DAB1: variants seen among roughly 807,000 people sequenced by gnomAD.
DAB1 encodes DAB adaptor protein 1, also known as disabled homolog 1.
In DAB1, 15 loss-of-function variants were observed where a neutral mutation model predicts 64.6. That is an observed-to-expected ratio of 0.23 (90% CI 0.16 to 0.36). DAB1 has a LOEUF of 0.36. Ranked by LOEUF, DAB1 falls within the 10% of genes least tolerant of loss-of-function variation. The probability of loss-of-function intolerance (pLI) is 1.00; values close to 1 mark genes in which losing one functional copy is unlikely to be tolerated. For missense variants in DAB1, 596 were observed against 706.7 expected (o/e 0.84, Z 1.78); for synonymous variants, 235 against 251.9 (o/e 0.93, Z 0.64).
intron 5 of DAB1, among the ~76,000 whole-genome samples, chr1:57,988,632 G>T (rs1646279042): frequency 6.6e-6 from 1 of 152,034 alleles, no homozygotes; most frequent in Non-Finnish European, 1.5e-5. Flanking sequence ...TCCTGTTATT[G>T]CAATTTAAGC....
intron 5 of DAB1, among the ~76,000 whole-genome samples, chr1:58,080,684 T>C (rs940615262): frequency 6.6e-6 from 1 of 152,216 alleles, no homozygotes; most frequent in Non-Finnish European, 1.5e-5. Flanking sequence ...TAGTTTTGTC[T>C]TGAAGGCTGA....
chr1:58,295,829 G>A lies in DAB1; in HGVS notation n.309+47523C>T, dbSNP rs1661959189. On this transcript the variant is annotated intron_variant and non_coding_transcript_variant, in intron 4 of 20. Coordinates refer to the DAB1 transcript ENST00000485760. ...CAGTTGGCTGGGCGCAGTGGCTCAT[G>A]CCTGTAATTCCAGCACTTTGGGAGG... is the stretch of plus-strand genomic sequence containing the variant. 7.2e-5 allele frequency among the ~76,000 whole-genome samples: 11 copies of A among 152,194 alleles called. No homozygotes were observed. In the South Asian group the frequency reaches 2.3e-3, roughly 32 times the overall value.
intron 6 of DAB1, among the ~76,000 whole-genome samples, chr1:57,751,902 A>G (rs1253985497): frequency 1.3e-5 from 2 of 152,248 alleles, no homozygotes; most frequent in Non-Finnish European, 2.9e-5. Context: ...GAATGCGATC[A>G]GTTCTGGCTG....
intron 2 of DAB1, among the ~76,000 whole-genome samples, chr1:57,186,156 T>C (rs1199724781): frequency 2.0e-5 from 3 of 152,216 alleles, no homozygotes; most frequent in African/African-American, 7.2e-5. Flanking sequence ...TATAACCAAG[T>C]GGTTAGAATT....
intron 6 of DAB1, among the ~76,000 whole-genome samples, chr1:57,748,021 C>T (rs1648369449): frequency 1.3e-5 from 2 of 152,000 alleles, no homozygotes; most frequent in Admixed American, 1.3e-4. Context: ...GTTGACTCAA[C>T]AAAAATCTAT....
chr1:57,185,703 G>A (rs1663478782), intron 2 of DAB1, among the ~76,000 whole-genome samples: 3 of 152,162 alleles, frequency 2.0e-5, no homozygotes, highest in Admixed American at 2.0e-4. Flanking sequence ...AACTAACAAT[G>A]CTGTCTCCGA....
intron 6 of DAB1, among the ~76,000 whole-genome samples, chr1:57,669,973 C>G (rs1331192642): frequency 1.3e-5 from 2 of 152,040 alleles, no homozygotes; most frequent in Non-Finnish European, 2.9e-5. Context: ...AATTTCTTCT[C>G]AAATATAACG....
intron 7 of DAB1, among the ~76,000 whole-genome samples, chr1:57,446,039 A>C (rs930421901): frequency 7.2e-5 from 11 of 152,310 alleles, no homozygotes; most frequent in African/African-American, 2.6e-4. Context: ...TATTTCACCC[A>C]TCCAATTTTA....
Position 58,095,208 on chromosome 1 carries a change from T to C in DAB1, n.387+55303A>G, listed in dbSNP as rs539108085. Among the ~76,000 whole-genome samples, 25 of 152,356 alleles carry C rather than the reference T, an allele frequency of 1.6e-4. No homozygotes were observed. In the East Asian group the frequency reaches 4.4e-3, roughly 27 times the overall value. On this transcript the variant is annotated intron_variant and non_coding_transcript_variant, in intron 5 of 20. Coordinates refer to the DAB1 transcript ENST00000485760. Reference sequence around the variant, plus strand: ...CTCACAGAAGATGCTCAATAAATGTTTGATATATGACTAAACAAACTCTTC... The same window carrying C: ...CTCACAGAAGATGCTCAATAAATGTCTGATATATGACTAAACAAACTCTTC...
chr1:58,062,411 C>T (rs1648560274), intron 5 of DAB1, among the ~76,000 whole-genome samples: 1 of 152,204 alleles, frequency 6.6e-6, no homozygotes. Context: ...TCTTGGTTAC[C>T]TTCAAATGGT....
chr1:57,150,548 G>T (rs188787874), intron 2 of DAB1, among the ~76,000 whole-genome samples: 29 of 152,080 alleles, frequency 1.9e-4, no homozygotes, highest in Non-Finnish European at 7.4e-5. Flanking sequence ...TTCAAAAGGC[G>T]TCATATACAA....
upstream of DAB1, among the ~76,000 whole-genome samples, chr1:57,884,774 G>A (rs1278056820): frequency 2.0e-5 from 3 of 152,178 alleles, no homozygotes; most frequent in East Asian, 1.9e-4. Flanking sequence ...TTTGGGTCAC[G>A]TGGGTGGATC....
intron 6 of DAB1, among the ~76,000 whole-genome samples, chr1:57,656,143 C>T (rs1009915008): frequency 3.9e-5 from 6 of 152,146 alleles, no homozygotes; most frequent in African/African-American, 9.7e-5. Context: ...AGTTGGCTGT[C>T]GGAAACCCAG....
At chr1:57,359,828 C>A (rs1679405567) in intron 1 of DAB1, among the ~76,000 whole-genome samples, 1 of 151,814 alleles carries the variant, frequency 6.6e-6, no homozygotes, top group Non-Finnish European at 1.5e-5. Flanking sequence ...GTGAAATAAG[C>A]CAGGCACAGA....
intron 2 of DAB1, among the ~76,000 whole-genome samples, chr1:57,217,738 C>G (rs956677349): frequency 2.0e-5 from 3 of 152,086 alleles, no homozygotes; most frequent in African/African-American, 7.2e-5. Flanking sequence ...GATGGTGACA[C>G]TGTCTCATTC....
intron 1 of DAB1, among the ~76,000 whole-genome samples, chr1:57,401,948 A>AAAAC (rs1469748650): frequency 6.6e-6 from 1 of 152,230 alleles, no homozygotes; most frequent in African/African-American, 2.4e-5. Flanking sequence ...CAGCTGTAAT[A>AAAAC]AAACAACACT....
intron 6 of DAB1, among the ~76,000 whole-genome samples, chr1:57,679,535 G>T (rs1646612181): frequency 6.6e-6 from 1 of 152,194 alleles, no homozygotes; most frequent in African/African-American, 2.4e-5. Flanking sequence ...GAAAAGTGTT[G>T]TTACCAAATA....
intron 2 of DAB1, among the ~76,000 whole-genome samples, chr1:58,510,465 A>C (rs1646055970): frequency 6.6e-6 from 1 of 152,102 alleles, no homozygotes; most frequent in African/African-American, 2.4e-5. Context: ...AAATAGAAAA[A>C]AATTATCTCG....
At chr1:57,031,191 AGAACCTTGAGT>A (rs1294576811) in intron 9 of DAB1, among the ~76,000 whole-genome samples, 1 of 152,210 alleles carries the variant, frequency 6.6e-6, no homozygotes, top group African/African-American at 2.4e-5. Flanking sequence ...CTGTTTAAAT[AGAACCTTGAGT>A]TAATTAAATT....
Sources: allele counts gnomAD v4.1 joint callset (sites outside exome capture counted in the v4.1 genomes callset), GRCh38; gene constraint gnomAD v4.1.1; transcripts MANE v1.5; gene names NCBI Gene and HGNC (gene_info 2026-07-23, HGNC 2026-07-21).